Variants in XAGE5 observed in about 807,000 individuals in gnomAD.
XAGE5 encodes the protein X antigen family member 5.
Under a neutral mutation model 13.1 loss-of-function variants are expected in XAGE5, and 13 were observed. That is an observed-to-expected ratio of 0.99 (90% CI 0.64 to 1.57). XAGE5 has a LOEUF of 1.57. Ranked by LOEUF, XAGE5 falls within the 40% of genes most tolerant of loss-of-function variation. The probability of loss-of-function intolerance (pLI) is 0.00; values close to 1 mark genes in which losing one functional copy is unlikely to be tolerated. For synonymous variants in XAGE5, 17 were observed against 25.0 expected (o/e 0.68, Z 0.96); for missense variants, 86 against 77.6 (o/e 1.11, Z -0.41).
intron 5 of XAGE5, among the ~76,000 whole-genome samples, chrX:52,816,127 A>G (rs1305711118): frequency 1.8e-5 from 2 of 110,953 alleles, no homozygotes; most frequent in Non-Finnish European, 3.8e-5. Context: ...TATTTTTAAT[A>G]GAGACGGGGT....
At chrX:52,815,626 C>G (rs781915881) in intron 5 of XAGE5, among the ~76,000 whole-genome samples, 3 of 112,840 alleles carry the variant, frequency 2.7e-5, no homozygotes, top group Non-Finnish European at 5.6e-5. Flanking sequence ...TCACATAAAT[C>G]CAACACCCAT....
At chrX:52,815,560 TC>T (rs781918997) in intron 5 of XAGE5, among the ~76,000 whole-genome samples, 5 of 112,961 alleles carry the variant, frequency 4.4e-5, no homozygotes, top group Non-Finnish European at 9.4e-5. Context: ...AATATGCTGA[TC>T]CCTGAAGAAG....
At chrX:52,814,179 G>C (rs1556777771) in intron 4 of XAGE5, 1 of 326,054 alleles carries the variant, frequency 3.1e-6, no homozygotes, top group South Asian at 2.7e-5. Flanking sequence ...AAATGTGTCT[G>C]TACTATAAGG....
chrX:52,813,106 C>G, intron 3 of XAGE5, 34 bp from the exon 4 acceptor site: 1 of 1,172,017 alleles, frequency 8.5e-7, no homozygotes, highest in Middle Eastern at 2.3e-4. Flanking sequence ...TTTATCTCCA[C>G]ACACACACAC....
At chrX:52,812,462 C>A (rs1556777462) in intron 2 of XAGE5, 97 bp from the exon 3 acceptor site, 1 of 683,846 alleles carries the variant, frequency 1.5e-6, no homozygotes. Flanking sequence ...TTAGTAGAGA[C>A]GGGGTTTCAC....
chrX:52,816,235 C>T (rs1271045811), intron 5 of XAGE5, among the ~76,000 whole-genome samples: 1 of 112,330 alleles, frequency 8.9e-6, no homozygotes, highest in African/African-American at 3.2e-5. Flanking sequence ...TGAACCACCT[C>T]CCTCACCGGA....
At chrX:52,811,752 C>T (rs1308414691) in intron 2 of XAGE5, among the ~76,000 whole-genome samples, 33 bp downstream of exon 2, 3 of 110,341 alleles carry the variant, frequency 2.7e-5, no homozygotes, top group Non-Finnish European at 3.8e-5. Flanking sequence ...GGGAACACTC[C>T]GGACTGGTGA....
rs782302301 is a variant in XAGE5, at chrX:52,815,170, A to C, written c.257A>C (p.Gln86Pro). Residue 86 changes from glutamine to proline, a missense_variant, in exon 5 of 6, where the codon CAG becomes CCG. By Grantham distance (76) the Gln-to-Pro change is moderately conservative. Coordinates refer to ENST00000375501, the MANE Select transcript of XAGE5 (RefSeq NM_001386970.1). ...GDECGDSPDV[Q>P]GKILPKSEQF... The stretch of plus-strand genomic sequence containing the variant: ...GAATGCGGAGATAGTCCTGATGTCC[A>C]GGGGAAGATTCTGCCAAAATCAGAG... The C allele has an allele frequency of 3.3e-6, 4 of 1,209,490 alleles. No individual in the cohort carries two copies. Among genetic ancestry groups the C allele is most frequent in the Non-Finnish European group, 4.5e-6 (4 of 894,909 alleles).
chrX:52,817,896 C>A (rs1926938566), intron 5 of XAGE5, among the ~76,000 whole-genome samples: 1 of 111,609 alleles, frequency 9.0e-6, no homozygotes, highest in Non-Finnish European at 1.9e-5. Context: ...CTACTTTAAG[C>A]CCCTTTTGAT....
At chrX:52,813,687 G>A (rs1218759670) in intron 4 of XAGE5, among the ~76,000 whole-genome samples, 1 of 111,387 alleles carries the variant, frequency 9.0e-6, no homozygotes, top group Non-Finnish European at 1.9e-5. Context: ...TTTGCAAAGG[G>A]ATGTTAACCT....
rs190413516 is a variant in XAGE5 at position 52,815,742 on chromosome X, C to T, written c.304+525C>T. On this transcript the variant is annotated intron_variant, in intron 5 of 5. Transcript: ENST00000375501. The stretch of plus-strand genomic sequence containing the variant: ...CTGTTGGAGAGAATACAAAGATATT[C>T]GGATTTTCATGATTTGTTTATCATA... Among the ~76,000 whole-genome samples, 22 of 111,856 alleles carry T rather than the reference C, an allele frequency of 2.0e-4. 1 individual carries two copies. The Admixed American group carries it at 2.0e-3, about 10-fold the overall frequency.
chrX:52,813,244 A>G lies in XAGE5; in HGVS notation c.177A>G (p.Gln59=). Residue 59 remains glutamine (Q), a splice_region_variant and synonymous_variant, in exon 4 of 6, where the codon CAA becomes CAG. Transcript: ENST00000375501. ...REDDQGAAEI[Q]VPNLEADLQE... Reference sequence around the variant, plus strand: ...ATGATCAGGGTGCAGCTGAGATTCAAGGTGCTGGGAAGGGAAAGAAGGAAT... The same window carrying G: ...ATGATCAGGGTGCAGCTGAGATTCAGGGTGCTGGGAAGGGAAAGAAGGAAT... 6 of 1,207,946 alleles carry G rather than the reference A, an allele frequency of 5.0e-6. No homozygotes were observed. Among genetic ancestry groups the G allele is most frequent in the Non-Finnish European group, 6.7e-6 (6 of 892,701 alleles).
At chrX:52,813,097 T>G (rs782338600) in intron 3 of XAGE5, 43 bp from the exon 4 acceptor site, 20 of 1,137,814 alleles carry the variant, frequency 1.8e-5, no homozygotes, top group Non-Finnish European at 2.3e-5. Flanking sequence ...GAAAAATTTT[T>G]TATCTCCACA....
At chrX:52,815,052 T>G in intron 4 of XAGE5, 40 bp from the exon 5 acceptor site, 1 of 1,206,590 alleles carries the variant, frequency 8.3e-7, no homozygotes, top group Middle Eastern at 2.4e-4. Flanking sequence ...TTTATCATTC[T>G]GGTTTGGCTG....
chrX:52,812,637 T>C lies in XAGE5; in HGVS notation c.71T>C (p.Leu24Pro). The C allele has an allele frequency of 1.7e-6, 2 of 1,210,658 alleles. No individual in the cohort carries two copies. The highest frequency in any genetic ancestry group is 2.2e-6 in the Non-Finnish European group (2 of 894,967). ...LRLAQLVGPM[L>P]EPSVPEPQQE... ...CTTGCTCAGCTGGTTGGGCCTATGC[T>C]TGTGAGTGACTTCACATTCGATTTT... is the stretch of plus-strand genomic sequence containing the variant. The change falls in exon 3 of 6, where the codon CTT (leucine) becomes CCT (proline). Residue 24 changes from leucine to proline, a missense_variant and splice_region_variant. Coordinates refer to ENST00000375501, the MANE Select transcript of XAGE5 (RefSeq NM_001386970.1).
rs1926948989 is a variant in XAGE5 at position 52,818,299 on chromosome X, A to G, written c.*86A>G. ...TCAATAAAGTTTTCCAGTTTTCTCC[A>G]AAGAAGTATCACACATCTTTTGTTC... is the stretch of plus-strand genomic sequence containing the variant. On this transcript the variant is annotated 3_prime_UTR_variant, in exon 6 of 6. Transcript: ENST00000375501. 1 of 1,126,174 alleles carries G rather than the reference A, an allele frequency of 8.9e-7. No homozygotes were observed. 92.8% of individuals were successfully genotyped at this position (1,126,174 alleles called of 1,213,427 possible).
At chrX:52,815,303 T>G in intron 5 of XAGE5, 86 bp downstream of exon 5, 1 of 1,028,553 alleles carries the variant, frequency 9.7e-7, no homozygotes, top group East Asian at 3.2e-5. Context: ...AGAATATTAC[T>G]GCCCCTTTAG....
At chrX:52,817,799 G>A (rs1386544156) in intron 5 of XAGE5, among the ~76,000 whole-genome samples, 2 of 111,528 alleles carry the variant, frequency 1.8e-5, no homozygotes, top group Non-Finnish European at 3.8e-5. Flanking sequence ...TTTTCTGGAG[G>A]AATTTTTTTT....
intron 2 of XAGE5, 122 bp from the exon 3 acceptor site, chrX:52,812,433 CAGCT>C: frequency 1.9e-6 from 1 of 514,588 alleles, no homozygotes; most frequent in Non-Finnish European, 3.2e-6. Flanking sequence ...CTACCACACC[CAGCT>C]ACGTTTTTGT....
Sources: allele counts gnomAD v4.1 joint callset (sites outside exome capture counted in the v4.1 genomes callset), GRCh38; gene constraint gnomAD v4.1.1; transcripts MANE v1.5; gene names NCBI Gene and HGNC (gene_info 2026-07-23, HGNC 2026-07-21).